Variants in SLC2A13 observed in about 807,000 individuals in gnomAD.
SLC2A13 encodes proton myo-inositol cotransporter.
In SLC2A13, 32 loss-of-function variants were observed where a neutral mutation model predicts 64.4. That is an observed-to-expected ratio of 0.50 (90% CI 0.37 to 0.67). The LOEUF (loss-of-function observed/expected upper bound fraction) is 0.67. SLC2A13 is among the 30% of genes least tolerant of loss of function. The pLI is 0.00. For synonymous variants in SLC2A13, 338 were observed against 327.1 expected, an observed-to-expected ratio of 1.03 and a Z score of -0.36; for missense variants, 743 against 829.2, an observed-to-expected ratio of 0.90 and a Z score of 1.28.
intron 4 of SLC2A13, among the ~76,000 whole-genome samples, chr12:39,904,861 T>C (rs1365065170): frequency 6.6e-6 from 1 of 152,162 alleles, no homozygotes; most frequent in Non-Finnish European, 1.5e-5. Flanking sequence ...TGCCCCTGGA[T>C]GAACAGGTCT....
rs558012207 is a variant in SLC2A13, at chr12:39,924,058, C to T, written c.1034+27199G>A. Among the ~76,000 whole-genome samples, 27 of 151,964 alleles carry T rather than the reference C, an allele frequency of 1.8e-4. No individual in the cohort carries two copies. In the South Asian group the frequency reaches 3.7e-3, roughly 21 times the overall value. On this transcript the variant is annotated intron_variant, in intron 4 of 9. Transcript: ENST00000280871. ...AGCTTATCAAGATAAACAGTTAAAA[C>T]GAAATAAAATAAAAAATGTTATGTT... is the stretch of plus-strand genomic sequence containing the variant.
chr12:40,094,972 AAG>A (rs1938890664), intron 1 of SLC2A13, among the ~76,000 whole-genome samples: 1 of 152,232 alleles, frequency 6.6e-6, no homozygotes. Flanking sequence ...GGAAACCCAA[AAG>A]AGAGGAGGGA....
intron 4 of SLC2A13, among the ~76,000 whole-genome samples, chr12:39,936,984 G>C (rs1424985751): frequency 2.0e-5 from 3 of 152,156 alleles, no homozygotes; most frequent in South Asian, 2.1e-4. Flanking sequence ...TCTCTGAGTA[G>C]AGTTGCAAGC....
chr12:40,050,015 C>T (rs956257510), intron 1 of SLC2A13, among the ~76,000 whole-genome samples: 1 of 152,078 alleles, frequency 6.6e-6, no homozygotes, highest in Non-Finnish European at 1.5e-5. Flanking sequence ...TAAATCATCA[C>T]CTAAGCAGCT....
At chr12:39,903,861 CTT>C (rs1423000112) in intron 4 of SLC2A13, among the ~76,000 whole-genome samples, 1 of 152,040 alleles carries the variant, frequency 6.6e-6, no homozygotes, top group Non-Finnish European at 1.5e-5. Flanking sequence ...TGAGTGGCCT[CTT>C]ATATTTACTG....
At chr12:40,100,449 G>C (rs1939106021) in intron 1 of SLC2A13, among the ~76,000 whole-genome samples, 1 of 152,210 alleles carries the variant, frequency 6.6e-6, no homozygotes, top group Admixed American at 6.5e-5. Flanking sequence ...CATGCTAATA[G>C]TGTTAACAGT....
chr12:39,894,693 G>T (rs1421447997), intron 4 of SLC2A13, among the ~76,000 whole-genome samples: 5 of 152,290 alleles, frequency 3.3e-5, no homozygotes, highest in Admixed American at 2.0e-4. Flanking sequence ...AAGCAGATAT[G>T]ATCAATCATT....
intron 3 of SLC2A13, among the ~76,000 whole-genome samples, chr12:39,966,404 A>G (rs1946517577): frequency 6.6e-6 from 1 of 152,090 alleles, no homozygotes; most frequent in Non-Finnish European, 1.5e-5. Flanking sequence ...TCCTTCTTCC[A>G]TGTTTTTAAT....
intron 4 of SLC2A13, among the ~76,000 whole-genome samples, chr12:39,947,955 T>C (rs1946167276): frequency 6.6e-6 from 1 of 152,112 alleles, no homozygotes; most frequent in African/African-American, 2.4e-5. Flanking sequence ...CCACCGCGCC[T>C]GGCCGAGAAT....
chr12:39,951,219 ACAATCTTTT>A (rs762927306), intron 4 of SLC2A13, 29 bp downstream of exon 4: 2 of 1,544,424 alleles, frequency 1.3e-6, no homozygotes, highest in Non-Finnish European at 1.8e-6. Context: ...TAATCCTTTC[ACAATCTTTT>A]CAGTAAAAAG....
At chr12:39,977,849 A>G (rs1946792200) in intron 3 of SLC2A13, among the ~76,000 whole-genome samples, 1 of 152,216 alleles carries the variant, frequency 6.6e-6, no homozygotes, top group Admixed American at 6.5e-5. Flanking sequence ...GTTGTGGCTC[A>G]ATCCAGGGCC....
chr12:40,105,663 G>C lies in SLC2A13; in HGVS notation c.146C>G (p.Thr49Ser), dbSNP rs1939287039. The change falls in exon 1 of 10, where the codon ACC (threonine) becomes AGC (serine). Residue 49 changes from threonine (T) to serine (S), a missense_variant. Physicochemically the swap from Thr to Ser is moderately conservative, Grantham distance 58. This residue lies in a region of SLC2A13 where 448 missense variants were observed against 447.4 expected (regional missense o/e 1.00). Coordinates refer to ENST00000280871, the MANE Select transcript of SLC2A13 (RefSeq NM_052885.4). The surrounding 1 kb of genome is among the most constrained non-coding windows in gnomAD (Gnocchi z 4.2). The part of the protein sequence containing the change: ...CSLLAAAESS[T>S]SLQSAGAGGG... ...GCCCGCGCCCGCGCTCTGCAGGCTG[G>C]TGCTCGATTCGGCGGCAGCCAGGAG... is the stretch of plus-strand genomic sequence containing the variant. 1 of 1,492,410 alleles carries C rather than the reference G, an allele frequency of 6.7e-7. No individual in the cohort carries two copies. Among genetic ancestry groups the C allele is most frequent in the African/African-American group, 1.5e-5 (1 of 68,210 alleles). 92.4% of individuals were successfully genotyped at this position (1,492,410 alleles called of 1,614,324 possible). A position where few individuals can be genotyped will look rare whatever the true frequency, so the allele number is the denominator to read the frequency against.
At chr12:39,793,720 C>T (rs1941481420) in intron 7 of SLC2A13, among the ~76,000 whole-genome samples, 1 of 152,134 alleles carries the variant, frequency 6.6e-6, no homozygotes, top group Non-Finnish European at 1.5e-5. Context: ...TGGCTCTGAA[C>T]AATTCTCCAG....
intron 3 of SLC2A13, among the ~76,000 whole-genome samples, chr12:39,972,982 G>T (rs1361642541): frequency 6.6e-6 from 1 of 152,110 alleles, no homozygotes; most frequent in Non-Finnish European, 1.5e-5. Flanking sequence ...CAGGAGAATT[G>T]CTTGAACCTG....
chr12:39,867,878 G>A (rs1376836082), intron 5 of SLC2A13, among the ~76,000 whole-genome samples: 1 of 152,162 alleles, frequency 6.6e-6, no homozygotes, highest in Non-Finnish European at 1.5e-5. Context: ...AAGTGGTTAT[G>A]ATGCCAAGAC....
At chr12:39,828,050 C>A (rs1033212262) in intron 7 of SLC2A13, among the ~76,000 whole-genome samples, 3 of 151,992 alleles carry the variant, frequency 2.0e-5, no homozygotes, top group Admixed American at 6.6e-5. Context: ...ATCTATCAAC[C>A]AAACCACCAA....
intron 1 of SLC2A13, among the ~76,000 whole-genome samples, chr12:40,091,159 G>T (rs1313770150): frequency 6.6e-6 from 1 of 152,064 alleles, no homozygotes. Context: ...CATAGAAAAG[G>T]TACAGTAAAA....
At chr12:39,942,821 T>C (rs2136088131) in intron 4 of SLC2A13, among the ~76,000 whole-genome samples, 1 of 152,312 alleles carries the variant, frequency 6.6e-6, no homozygotes, top group Middle Eastern at 3.4e-3. Context: ...TTGTGATCCT[T>C]TGAAGATGAG....
At chr12:40,098,802 A>T (rs1338108436) in intron 1 of SLC2A13, among the ~76,000 whole-genome samples, 2 of 152,236 alleles carry the variant, frequency 1.3e-5, no homozygotes, top group Non-Finnish European at 2.9e-5. Context: ...CATGTGCAAA[A>T]TGTTTAGAAG....
Sources: allele counts gnomAD v4.1 joint callset (sites outside exome capture counted in the v4.1 genomes callset), GRCh38; gene constraint gnomAD v4.1.1; regional missense constraint gnomAD v4.1.1; non-coding constraint Gnocchi (gnomAD v3.1); transcripts MANE v1.5; gene names NCBI Gene and HGNC (gene_info 2026-07-23, HGNC 2026-07-21).